FBXL7: variants seen among roughly 807,000 people sequenced by gnomAD.
FBXL7 encodes the protein F-box/LRR-repeat protein 7.
A neutral mutation model predicts 38.3 loss-of-function variants in FBXL7; 12 were observed. That is an observed-to-expected ratio of 0.31 (90% confidence interval 0.20 to 0.51). FBXL7 has a LOEUF of 0.51. Among genes scored for constraint, FBXL7 ranks in the 20% least tolerant of loss-of-function variants. FBXL7 has a pLI of 0.98. For missense variants in FBXL7, 567 were observed against 676.4 expected (o/e 0.84, Z 1.79); for synonymous variants, 297 against 300.9 (o/e 0.99, Z 0.13).
chr5:15,933,263 A>G (rs1488601244), intron 3 of FBXL7, among the ~76,000 whole-genome samples: 1 of 152,226 alleles, frequency 6.6e-6, no homozygotes, highest in Non-Finnish European at 1.5e-5. Context: ...AACTGAACTA[A>G]ACAAGTATTT....
chr5:15,655,886 T>G (rs555953405), intron 2 of FBXL7, among the ~76,000 whole-genome samples: 1 of 152,302 alleles, frequency 6.6e-6, no homozygotes, highest in East Asian at 1.9e-4. Flanking sequence ...CACAGTACTG[T>G]TATTGTATCT....
chr5:15,625,853 A>T (rs1033076660), intron 2 of FBXL7, among the ~76,000 whole-genome samples: 2 of 152,210 alleles, frequency 1.3e-5, no homozygotes, highest in Non-Finnish European at 2.9e-5. Flanking sequence ...ACACCAAAAA[A>T]GTAGAGTAAA....
chr5:15,576,543 A>G (rs1738974913), intron 1 of FBXL7, among the ~76,000 whole-genome samples: 1 of 152,246 alleles, frequency 6.6e-6, no homozygotes, highest in Non-Finnish European at 1.5e-5. Flanking sequence ...GCAAGAAGCT[A>G]TATCTTTGGA....
intron 2 of FBXL7, among the ~76,000 whole-genome samples, chr5:15,731,643 C>G (rs573408878): frequency 6.6e-6 from 1 of 152,258 alleles, no homozygotes; most frequent in African/African-American, 2.4e-5. Flanking sequence ...TTAGGTAAGT[C>G]CATGCAGAGT....
chr5:15,891,378 T>G (rs1740894667), intron 2 of FBXL7, among the ~76,000 whole-genome samples: 1 of 152,200 alleles, frequency 6.6e-6, no homozygotes, highest in African/African-American at 2.4e-5. Context: ...TTCACTGCCC[T>G]TACCATTTAA....
chr5:15,632,330 CAAA>C (rs1030588705), intron 2 of FBXL7, among the ~76,000 whole-genome samples: 7 of 151,980 alleles, frequency 4.6e-5, no homozygotes, highest in African/African-American at 1.7e-4. Flanking sequence ...ATTTTTATAA[CAAA>C]AAGACATTGC....
chr5:15,598,026 T>G (rs1739676313), intron 1 of FBXL7, among the ~76,000 whole-genome samples: 1 of 152,338 alleles, frequency 6.6e-6, no homozygotes, highest in South Asian at 2.1e-4. Context: ...AAACCTTAAC[T>G]TAGGTTATGA....
intron 2 of FBXL7, among the ~76,000 whole-genome samples, chr5:15,799,577 G>C (rs942566080): frequency 2.6e-5 from 4 of 152,048 alleles, no homozygotes; most frequent in African/African-American, 9.7e-5. Context: ...GGTCAGGCTG[G>C]TCTCGAACTC....
intron 2 of FBXL7, among the ~76,000 whole-genome samples, chr5:15,757,777 C>A (rs1454076118): frequency 6.6e-6 from 1 of 152,084 alleles, no homozygotes; most frequent in East Asian, 1.9e-4. Flanking sequence ...ACGTTTTGTG[C>A]ACTTAAGGTA....
At chr5:15,864,287 C>T (rs1048978696) in intron 2 of FBXL7, among the ~76,000 whole-genome samples, 2 of 151,862 alleles carry the variant, frequency 1.3e-5, no homozygotes, top group Non-Finnish European at 2.9e-5. Flanking sequence ...TTATAGCAAC[C>T]CAAATGGACT....
At chr5:15,836,288 T>C (rs140552672) in intron 2 of FBXL7, among the ~76,000 whole-genome samples, 5 of 152,354 alleles carry the variant, frequency 3.3e-5, no homozygotes, top group African/African-American at 1.2e-4. Context: ...GAAAGATTTC[T>C]GCTTTTCTGG....
chr5:15,608,961 C>T (rs977260271), intron 1 of FBXL7, among the ~76,000 whole-genome samples: 2 of 152,170 alleles, frequency 1.3e-5, no homozygotes, highest in African/African-American at 4.8e-5. Context: ...GTGTTACTGG[C>T]AATGAAACAA....
At chr5:15,568,665 A>G (rs1352038548) in intron 1 of FBXL7, among the ~76,000 whole-genome samples, 1 of 151,914 alleles carries the variant, frequency 6.6e-6, no homozygotes, top group Non-Finnish European at 1.5e-5. Flanking sequence ...GTCCTTGCCC[A>G]TGCCTATGTC....
chr5:15,854,150 C>T (rs1025523914), intron 2 of FBXL7, among the ~76,000 whole-genome samples: 7 of 152,064 alleles, frequency 4.6e-5, no homozygotes, highest in Non-Finnish European at 8.8e-5. Context: ...GAGAGAGAGG[C>T]AGAGGAGCTG....
intron 2 of FBXL7, among the ~76,000 whole-genome samples, chr5:15,832,907 G>A (rs1449990712): frequency 2.0e-5 from 3 of 151,950 alleles, no homozygotes; most frequent in East Asian, 1.9e-4. Context: ...CCCGGTGGGA[G>A]GTAATTTAAC....
At chr5:15,733,815 T>A (rs1735675203) in intron 2 of FBXL7, among the ~76,000 whole-genome samples, 1 of 152,162 alleles carries the variant, frequency 6.6e-6, no homozygotes, top group Non-Finnish European at 1.5e-5. Flanking sequence ...TCCTATAAAA[T>A]AGCTTGTTAA....
At chr5:15,711,443 A>G (rs1337328113) in intron 2 of FBXL7, among the ~76,000 whole-genome samples, 1 of 152,200 alleles carries the variant, frequency 6.6e-6, no homozygotes, top group South Asian at 2.1e-4. Flanking sequence ...TCCTCCAGTA[A>G]AACTTCATCT....
intron 1 of FBXL7, among the ~76,000 whole-genome samples, chr5:15,558,291 A>G (rs1738312649): frequency 6.6e-6 from 1 of 152,256 alleles, no homozygotes; most frequent in African/African-American, 2.4e-5. Flanking sequence ...CTTTGGAGCC[A>G]GAGAGGATTA....
chr5:15,630,853 A>ATT (rs35242245), intron 2 of FBXL7, among the ~76,000 whole-genome samples: 1 of 149,486 alleles, frequency 6.7e-6, no homozygotes, highest in African/African-American at 2.4e-5. Context: ...AAATTTTGAG[A>ATT]TTTTTTTTTT....
Sources: allele counts gnomAD v4.1 joint callset (sites outside exome capture counted in the v4.1 genomes callset), GRCh38; gene constraint gnomAD v4.1.1; transcripts MANE v1.5; gene names NCBI Gene and HGNC (gene_info 2026-07-23, HGNC 2026-07-21).